The following NAALADL2 variants were observed in gnomAD, a reference collection of about 807,000 sequenced individuals.
The protein encoded by NAALADL2 is inactive N-acetylated-alpha-linked acidic dipeptidase-like protein 2.
A neutral mutation model predicts 87.2 loss-of-function variants in NAALADL2; 76 were observed. That is an observed-to-expected ratio of 0.87 (90% confidence interval 0.72 to 1.05). The LOEUF (loss-of-function observed/expected upper bound fraction) is 1.05. Among genes scored for constraint, NAALADL2 ranks in the 50% least tolerant of loss-of-function variants. The pLI, the probability that NAALADL2 is intolerant of heterozygous loss-of-function variation, is 0.00. For synonymous variants in NAALADL2, 354 were observed against 331.0 expected (o/e 1.07, Z -0.75); for missense variants, 1,089 against 945.8 (o/e 1.15, Z -1.99).
At chr3:174,726,671 A>T (rs927585140) in intron 2 of NAALADL2, among the ~76,000 whole-genome samples, 4 of 150,828 alleles carry the variant, frequency 2.7e-5, no homozygotes, top group Non-Finnish European at 4.4e-5. Flanking sequence ...CCGTTGTCTT[A>T]TTCCTTCCTT....
intron 2 of NAALADL2, among the ~76,000 whole-genome samples, chr3:174,684,827 C>T (rs1270424336): frequency 3.9e-5 from 6 of 152,010 alleles, no homozygotes; most frequent in African/African-American, 7.2e-5. Flanking sequence ...TGCAAACCAA[C>T]GAGCTATATT....
At chr3:174,677,900 C>CA (rs1363999734) in intron 2 of NAALADL2, among the ~76,000 whole-genome samples, 1 of 151,440 alleles carries the variant, frequency 6.6e-6, no homozygotes, top group Non-Finnish European at 1.5e-5. Flanking sequence ...AAGAAAAATG[C>CA]AAAAAATGTA....
intron 1 of NAALADL2, among the ~76,000 whole-genome samples, chr3:175,016,071 T>C (rs562976006): frequency 4.6e-5 from 7 of 151,786 alleles, no homozygotes; most frequent in South Asian, 2.1e-4. Flanking sequence ...ATATTCTGAA[T>C]AGTACAATAT....
chr3:175,511,250 T>G (rs964702073), intron 9 of NAALADL2, among the ~76,000 whole-genome samples: 2 of 152,152 alleles, frequency 1.3e-5, no homozygotes, highest in Admixed American at 6.5e-5. Flanking sequence ...AAGGGCTGAA[T>G]TGTGTTCTCT....
At chr3:174,660,932 G>A (rs1451143449) in intron 2 of NAALADL2, among the ~76,000 whole-genome samples, 1 of 152,068 alleles carries the variant, frequency 6.6e-6, no homozygotes, top group African/African-American at 2.4e-5. Flanking sequence ...TAATAGGAAA[G>A]CATTATTGAG....
chr3:174,644,273 CAATT>C (rs1338670373), intron 2 of NAALADL2, among the ~76,000 whole-genome samples: 1 of 152,156 alleles, frequency 6.6e-6, no homozygotes, highest in Admixed American at 6.5e-5. Flanking sequence ...TATAAACAGT[CAATT>C]AATACCTAAC....
chr3:175,297,101 T>C (rs144150895), intron 4 of NAALADL2, among the ~76,000 whole-genome samples: 332 of 152,284 alleles, frequency 2.2e-3, no homozygotes, highest in Non-Finnish European at 3.1e-3. Flanking sequence ...CTGTAGGTAC[T>C]ATCTATGGCT....
intron 3 of NAALADL2, among the ~76,000 whole-genome samples, chr3:174,829,243 C>A (rs1722343057): frequency 6.6e-6 from 1 of 151,508 alleles, no homozygotes; most frequent in East Asian, 2.0e-4. Flanking sequence ...TTAGGTATAT[C>A]TCCCAGTGCT....
intron 2 of NAALADL2, among the ~76,000 whole-genome samples, chr3:174,581,904 A>G (rs1578222324): frequency 1.3e-5 from 2 of 152,178 alleles, no homozygotes; most frequent in South Asian, 4.1e-4. Flanking sequence ...AATAACTGTT[A>G]TCTCTATTGT....
chr3:175,232,250 C>T (rs372125820), intron 2 of NAALADL2, among the ~76,000 whole-genome samples: 1 of 20,088 alleles, frequency 5.0e-5, no homozygotes, highest in Non-Finnish European at 1.5e-4. Context: ...GAAGAAAGAA[C>T]AAGAAGAAGA....
At chr3:175,086,182 G>A (rs1362553657) in intron 1 of NAALADL2, among the ~76,000 whole-genome samples, 1 of 152,136 alleles carries the variant, frequency 6.6e-6, no homozygotes, top group Non-Finnish European at 1.5e-5. Flanking sequence ...TGTTTTGACA[G>A]TCATTTCTAA....
chr3:174,763,692 T>C (rs1916237), intron 3 of NAALADL2, among the ~76,000 whole-genome samples: 1 of 150,796 alleles, frequency 6.6e-6, no homozygotes, highest in Non-Finnish European at 1.5e-5. Context: ...CTAGTGTTAA[T>C]GGGGTAGAAA....
intron 11 of NAALADL2, among the ~76,000 whole-genome samples, chr3:175,700,231 A>G (rs945674443): frequency 1.3e-5 from 2 of 152,134 alleles, no homozygotes; most frequent in Non-Finnish European, 2.9e-5. Context: ...AACAATGCTA[A>G]GTGCTATGTT....
chr3:175,636,274 T>C (rs145171111), intron 11 of NAALADL2, among the ~76,000 whole-genome samples: 181 of 152,198 alleles, frequency 1.2e-3, no homozygotes, highest in African/African-American at 4.0e-3. Context: ...TCATTCTCAG[T>C]ATATCACCAT....
chr3:175,581,358 C>G (rs1390333094), intron 10 of NAALADL2: 1 of 158,226 alleles, frequency 6.3e-6, no homozygotes, highest in Admixed American at 6.4e-5. Flanking sequence ...AGAAGAATCA[C>G]TTGAATCCTG....
At chr3:175,256,613 G>A in intron 4 of NAALADL2, 83 bp downstream of exon 4, 2 of 1,343,976 alleles carry the variant, frequency 1.5e-6, no homozygotes, top group Non-Finnish European at 2.0e-6. Context: ...TGAGTGTGGA[G>A]TGTGTGTGTG....
chr3:174,875,513 G>A (rs1296076289), intron 1 of NAALADL2, among the ~76,000 whole-genome samples: 1 of 152,048 alleles, frequency 6.6e-6, no homozygotes, highest in African/African-American at 2.4e-5. Flanking sequence ...GTCAGATTTT[G>A]ATAGTAATCA....
At chr3:175,731,297 AATG>A (rs1322318547) in intron 11 of NAALADL2, among the ~76,000 whole-genome samples, 2 of 152,096 alleles carry the variant, frequency 1.3e-5, no homozygotes, top group Non-Finnish European at 2.9e-5. Flanking sequence ...AATTAGAGAG[AATG>A]ATGTTTGAAA....
chr3:175,012,075 T>C (rs753022018), intron 1 of NAALADL2, among the ~76,000 whole-genome samples: 5 of 152,138 alleles, frequency 3.3e-5, no homozygotes, highest in Non-Finnish European at 5.9e-5. Flanking sequence ...ATGCTGAGTT[T>C]CTCCAAGCAA....
Sources: gnomAD v4.1 joint callset for allele counts (sites outside exome capture counted in the v4.1 genomes callset) on GRCh38, gnomAD v4.1.1 for gene constraint, MANE v1.5 for transcripts, NCBI Gene and HGNC (gene_info 2026-07-23, HGNC 2026-07-21) for gene names.